LAMA2: variants seen among roughly 807,000 people sequenced by gnomAD.
LAMA2 encodes laminin subunit alpha 2.
LAMA2 carries 269 observed loss-of-function variants against 364.8 expected under a neutral mutation model. The ratio of observed to expected loss-of-function variants is 0.74; its 90% CI spans 0.67 to 0.82. The LOEUF (loss-of-function observed/expected upper bound fraction) is 0.82. Ranked by LOEUF, LAMA2 falls within the 40% of genes least tolerant of loss-of-function variation. LAMA2 has a pLI of 0.00. For synonymous variants in LAMA2, 1,379 were observed against 1,370.6 expected, an observed-to-expected ratio of 1.01 and a Z score of -0.14; for missense variants, 3,807 against 3,873.2, an observed-to-expected ratio of 0.98 and a Z score of 0.45.
At chr6:129,437,138 T>A (rs1223918378) in intron 41 of LAMA2, among the ~76,000 whole-genome samples, 1 of 152,082 alleles carries the variant, frequency 6.6e-6, no homozygotes. Flanking sequence ...TAGTTTTGAC[T>A]ATCAATCCTT....
At chr6:129,303,975 G>A (rs899170026) in intron 22 of LAMA2, among the ~76,000 whole-genome samples, 9 of 152,146 alleles carry the variant, frequency 5.9e-5, no homozygotes, top group East Asian at 3.9e-4. Flanking sequence ...CAATCAATGA[G>A]GTAGAAAACA....
intron 10 of LAMA2, among the ~76,000 whole-genome samples, chr6:129,186,799 G>A (rs1208257095): frequency 6.6e-6 from 1 of 151,424 alleles, no homozygotes; most frequent in Non-Finnish European, 1.5e-5. Flanking sequence ...AAGTACATAG[G>A]GAAACTATCG....
chr6:129,388,965 A>G (rs1223179897), intron 35 of LAMA2, among the ~76,000 whole-genome samples: 4 of 152,170 alleles, frequency 2.6e-5, no homozygotes, highest in Admixed American at 1.3e-4. Context: ...GGTACTCTGG[A>G]AGGCTTCCCA....
At chr6:129,452,074 C>G (rs761351424) in intron 45 of LAMA2, among the ~76,000 whole-genome samples, 5 of 152,208 alleles carry the variant, frequency 3.3e-5, no homozygotes, top group Non-Finnish European at 4.4e-5. Context: ...CTCTCTGCCT[C>G]CTTCTGGAGC....
chr6:129,283,491 C>T (rs1026790331), intron 18 of LAMA2, among the ~76,000 whole-genome samples: 2 of 151,858 alleles, frequency 1.3e-5, no homozygotes, highest in African/African-American at 4.8e-5. Context: ...GATACATAGA[C>T]TTCTTAAGCC....
At chr6:129,403,275 CA>C (rs1483440528) in intron 39 of LAMA2, among the ~76,000 whole-genome samples, 1 of 150,956 alleles carries the variant, frequency 6.6e-6, no homozygotes, top group Non-Finnish European at 1.5e-5. Flanking sequence ...TATTTTATGT[CA>C]AACTTTTGCC....
intron 1 of LAMA2, among the ~76,000 whole-genome samples, chr6:128,953,470 A>G (rs371086034): frequency 6.6e-6 from 1 of 152,038 alleles, no homozygotes; most frequent in East Asian, 1.9e-4. Context: ...CCTGGATTCT[A>G]TAATAATTGG....
chr6:129,479,974 A>G (rs111854255), intron 54 of LAMA2: 39 of 152,326 alleles, frequency 2.6e-4, no homozygotes, highest in African/African-American at 8.9e-4. Context: ...CCTAACTCTC[A>G]TTCACATTCA....
In LAMA2 at chr6:129,280,798, T is replaced by C. The variant is rs1000768326; in HGVS notation, c.2537+651T>C. 2.0e-5 allele frequency among the ~76,000 whole-genome samples: 3 copies of C among 152,140 alleles called. No homozygotes were observed. In the South Asian group the frequency reaches 6.2e-4, roughly 32 times the overall value. On this transcript the variant is annotated intron_variant, in intron 18 of 64. Coordinates refer to ENST00000421865, the MANE Select transcript of LAMA2 (RefSeq NM_000426.4). ...GCCTCAGCATAAAAGTGATACAAACTTCCCCCTTGACATCATTGCCAAAAA... is the reference window on the plus strand; with the variant it reads ...GCCTCAGCATAAAAGTGATACAAACCTCCCCCTTGACATCATTGCCAAAAA...
chr6:129,243,512 C>T (rs1172798283), intron 12 of LAMA2, among the ~76,000 whole-genome samples: 1 of 151,576 alleles, frequency 6.6e-6, no homozygotes, highest in Non-Finnish European at 1.5e-5. Flanking sequence ...AGTGAGTAAT[C>T]CTGTGAGCAG....
At chr6:128,938,267 T>C (rs184840638) in intron 1 of LAMA2, among the ~76,000 whole-genome samples, 2 of 152,244 alleles carry the variant, frequency 1.3e-5, no homozygotes, top group East Asian at 3.9e-4. Context: ...CCTGACTGAT[T>C]GTGAAGATGA....
rs753800266 is a variant in LAMA2, at chr6:129,260,742, T to G, written c.2128T>G (p.Ser710Ala). 2.5e-6 allele frequency: 4 copies of G among 1,612,588 alleles called. No individual in the cohort carries two copies. The South Asian group carries it at 4.4e-5, about 18-fold the overall frequency. ...LSSVNLESAV[S>A]YPTDGSIAAA... ...CTCTGTTAACCTTGAATCCGCTGTCTCCTATCCTACTGATGGAAGCATTGC... is the reference window on the plus strand; with the variant it reads ...CTCTGTTAACCTTGAATCCGCTGTCGCCTATCCTACTGATGGAAGCATTGC... Residue 710 changes from serine (S) to alanine (A), a missense_variant, in exon 15 of 65, where the codon TCC becomes GCC. By Grantham distance (99) the Ser-to-Ala change is moderately conservative (BLOSUM62 1). Transcript: ENST00000421865.
At chr6:128,946,472 A>C (rs562108535) in intron 1 of LAMA2, among the ~76,000 whole-genome samples, 11 of 152,326 alleles carry the variant, frequency 7.2e-5, no homozygotes, top group African/African-American at 1.4e-4. Flanking sequence ...TGTGCTTCAT[A>C]TCACTAGCCT....
At chr6:129,016,953 A>G (rs938572141) in intron 1 of LAMA2, among the ~76,000 whole-genome samples, 1 of 151,814 alleles carries the variant, frequency 6.6e-6, no homozygotes, top group African/African-American at 2.4e-5. Flanking sequence ...AAAACACCCC[A>G]TTTCCTTGTC....
chr6:128,932,899 ATAT>A (rs1779571094), intron 1 of LAMA2, among the ~76,000 whole-genome samples: 1 of 152,170 alleles, frequency 6.6e-6, no homozygotes, highest in Admixed American at 6.5e-5. Context: ...AAACAGTACA[ATAT>A]TATTAACTAT....
chr6:129,338,142 T>A (rs931015141), intron 29 of LAMA2, among the ~76,000 whole-genome samples: 2 of 152,234 alleles, frequency 1.3e-5, no homozygotes, highest in Non-Finnish European at 2.9e-5. Context: ...AAAATCATAT[T>A]TTTGAATCTC....
At chr6:128,967,916 C>A (rs974918076) in intron 1 of LAMA2, among the ~76,000 whole-genome samples, 4 of 152,264 alleles carry the variant, frequency 2.6e-5, no homozygotes, top group Middle Eastern at 3.4e-3. Flanking sequence ...ATTCCCAGCC[C>A]CAGGTCCATC....
intron 1 of LAMA2, among the ~76,000 whole-genome samples, chr6:128,992,786 C>T (rs947035137): frequency 1.3e-5 from 2 of 152,150 alleles, no homozygotes; most frequent in Non-Finnish European, 2.9e-5. Context: ...TTTCAATTTT[C>T]CCGCTTGGCT....
At chr6:129,027,613 A>G (rs999682272) in intron 1 of LAMA2, among the ~76,000 whole-genome samples, 1 of 151,970 alleles carries the variant, frequency 6.6e-6, no homozygotes, top group Admixed American at 6.6e-5. Flanking sequence ...TGTTAAAGAT[A>G]TGGGCCAAAT....
Sources: gnomAD v4.1 joint callset for allele counts (sites outside exome capture counted in the v4.1 genomes callset) on GRCh38, gnomAD v4.1.1 for gene constraint, MANE v1.5 for transcripts, NCBI Gene and HGNC (gene_info 2026-07-23, HGNC 2026-07-21) for gene names.